SLIT2: variants seen among roughly 807,000 people sequenced by gnomAD.
SLIT2 encodes the protein slit homolog 2 protein.
In SLIT2, 41 loss-of-function variants were observed where a neutral mutation model predicts 185.7. The ratio of observed to expected loss-of-function variants is 0.22; its 90% CI spans 0.17 to 0.29. The LOEUF (loss-of-function observed/expected upper bound fraction) is 0.29, where lower values mean the gene tolerates loss of function less well. SLIT2 is among the 10% of genes least tolerant of loss of function. The probability of loss-of-function intolerance (pLI) is 1.00; values close to 1 mark genes in which losing one functional copy is unlikely to be tolerated. For missense variants in SLIT2, 1,571 were observed against 1,909.0 expected, an observed-to-expected ratio of 0.82 and a Z score of 3.30; for synonymous variants, 693 against 680.2, an observed-to-expected ratio of 1.02 and a Z score of -0.29.
chr4:20,345,537 C>CTTTTTTTTTTTTT (rs149402460), intron 4 of SLIT2, among the ~76,000 whole-genome samples: 2 of 112,318 alleles, frequency 1.8e-5, no homozygotes, highest in Admixed American at 9.0e-5. Flanking sequence ...TTCCTTTTTT[C>CTTTTTTTTTTTTT]TTTTTTCTTT....
chr4:20,254,074 A>G lies in SLIT2; in HGVS notation c.179+80A>G. The G allele has an allele frequency of 7.0e-7, 1 of 1,438,728 alleles. No homozygotes were observed. The highest frequency in any genetic ancestry group is 1.8e-4 in the Middle Eastern group (1 of 5,538). The allele number at this position is 1,438,728 out of a possible 1,614,324, so 89.1% of individuals were successfully genotyped here. ...CTCCACTGGAGGAACCTGTCAGCTC[A>G]GGGTCCTGTGCCTGGGGCAGCCCTC... On this transcript the variant is annotated intron_variant, in intron 1 of 36. Coordinates refer to ENST00000504154, the MANE Select transcript of SLIT2 (RefSeq NM_004787.4). The surrounding 1 kb of genome is among the most constrained non-coding windows in gnomAD (Gnocchi z 5.1).
At chr4:20,569,130 GA>G in intron 29 of SLIT2, 126 bp downstream of exon 29, 1 of 800,770 alleles carries the variant, frequency 1.2e-6, no homozygotes, top group Non-Finnish European at 2.1e-6. Flanking sequence ...TTGAAAATCA[GA>G]TGTAATGTAA....
chr4:20,519,182 C>G (rs1720595288), intron 11 of SLIT2, among the ~76,000 whole-genome samples, 200 bp from the exon 12 acceptor site: 1 of 152,008 alleles, frequency 6.6e-6, no homozygotes, highest in South Asian at 2.1e-4. Flanking sequence ...TTTCTGTTTT[C>G]CAAATGTTCT....
At chr4:20,593,909 A>C (rs1727712911) in intron 30 of SLIT2, among the ~76,000 whole-genome samples, 1 of 150,964 alleles carries the variant, frequency 6.6e-6, no homozygotes, top group Non-Finnish European at 1.5e-5. Context: ...TCATATATAC[A>C]CACATATATA....
At chr4:20,291,207 G>A (rs1480633289) in intron 4 of SLIT2, among the ~76,000 whole-genome samples, 1 of 151,996 alleles carries the variant, frequency 6.6e-6, no homozygotes, top group Non-Finnish European at 1.5e-5. Flanking sequence ...CTTGTGTGAT[G>A]TTCCTCAGAT....
chr4:20,411,024 T>C (rs1260070017), intron 4 of SLIT2, among the ~76,000 whole-genome samples: 1 of 152,230 alleles, frequency 6.6e-6, no homozygotes, highest in African/African-American at 2.4e-5. Context: ...ATTTTCATGA[T>C]ATTGATTCTT....
intron 12 of SLIT2, among the ~76,000 whole-genome samples, chr4:20,520,733 G>C (rs1162300145): frequency 6.6e-6 from 1 of 152,016 alleles, no homozygotes; most frequent in Non-Finnish European, 1.5e-5. Flanking sequence ...AAATGTTAAT[G>C]AAACAATAAT....
At position 20,512,703 on chromosome 4, in the gene SLIT2, A is replaced by C. The variant is rs370821110; in HGVS notation, c.1058+1566A>C. Among the ~76,000 whole-genome samples the C allele has an allele frequency of 3.1e-4, 47 of 152,326 alleles. No homozygotes were observed. The East Asian group carries it at 7.7e-3, about 25-fold the overall frequency. ...CATTGACAAACTCCCTGTCATACAG[A>C]AGGACAAAAGGCAAATCAGCATGTC... On this transcript the variant is annotated intron_variant, in intron 11 of 36. Coordinates refer to ENST00000504154, the MANE Select transcript of SLIT2 (RefSeq NM_004787.4).
chr4:20,377,501 T>C (rs1724123570), intron 4 of SLIT2, among the ~76,000 whole-genome samples: 1 of 152,164 alleles, frequency 6.6e-6, no homozygotes, highest in Non-Finnish European at 1.5e-5. Context: ...TAGGGATCCA[T>C]AGAAGACAAA....
At chr4:20,591,716 A>G (rs1050981661) in intron 30 of SLIT2, among the ~76,000 whole-genome samples, 5 of 151,884 alleles carry the variant, frequency 3.3e-5, no homozygotes, top group Non-Finnish European at 5.9e-5. Context: ...CATCACTTAC[A>G]TAATAAATAT....
intron 4 of SLIT2, among the ~76,000 whole-genome samples, chr4:20,339,746 A>C (rs556790778): frequency 6.6e-6 from 1 of 152,060 alleles, no homozygotes; most frequent in South Asian, 2.1e-4. Context: ...TGGCCTGTAG[A>C]CTCTCCTATG....
chr4:20,600,628 G>C (rs1728338476), intron 33 of SLIT2, among the ~76,000 whole-genome samples: 1 of 151,716 alleles, frequency 6.6e-6, no homozygotes, highest in Admixed American at 6.6e-5. Context: ...GTTTCACCGT[G>C]TTAGCCAGGA....
intron 11 of SLIT2, among the ~76,000 whole-genome samples, chr4:20,514,252 A>T (rs1267729607): frequency 1.3e-5 from 2 of 152,242 alleles, no homozygotes; most frequent in African/African-American, 4.8e-5. Context: ...ACTCAAGAAT[A>T]TAGCCAGATT....
chr4:20,547,684 T>C (rs529207077), intron 22 of SLIT2, among the ~76,000 whole-genome samples: 1 of 150,514 alleles, frequency 6.6e-6, no homozygotes, highest in South Asian at 2.1e-4. Context: ...ATGGTGAATA[T>C]ATATTAGTAT....
chr4:20,268,462 C>A (rs1425063131), intron 3 of SLIT2, among the ~76,000 whole-genome samples: 1 of 151,728 alleles, frequency 6.6e-6, no homozygotes, highest in Non-Finnish European at 1.5e-5. Flanking sequence ...AGACACCATT[C>A]ACTGTGGTAT....
chr4:20,336,235 C>G, intron 4 of SLIT2, among the ~76,000 whole-genome samples: 1 of 152,132 alleles, frequency 6.6e-6, no homozygotes, highest in Non-Finnish European at 1.5e-5. Flanking sequence ...ATTAGTTTTT[C>G]CTTTAATATG....
intron 4 of SLIT2, among the ~76,000 whole-genome samples, chr4:20,307,552 G>A (rs1269434496): frequency 1.3e-5 from 2 of 152,068 alleles, no homozygotes; most frequent in East Asian, 3.9e-4. Context: ...GAGCCACTGG[G>A]TTCAGCCAGT....
At chr4:20,375,577 G>C (rs942574216) in intron 4 of SLIT2, among the ~76,000 whole-genome samples, 1 of 152,050 alleles carries the variant, frequency 6.6e-6, no homozygotes, top group African/African-American at 2.4e-5. Flanking sequence ...TTAACTAACA[G>C]TTTGATTTAT....
intron 4 of SLIT2, among the ~76,000 whole-genome samples, chr4:20,344,825 A>T (rs935820824): frequency 1.3e-5 from 2 of 152,178 alleles, no homozygotes; most frequent in African/African-American, 2.4e-5. Flanking sequence ...TCATTTTCTC[A>T]TGAGAGTTTC....
Sources: gnomAD v4.1 joint callset for allele counts (sites outside exome capture counted in the v4.1 genomes callset) on GRCh38, gnomAD v4.1.1 for gene constraint, Gnocchi (gnomAD v3.1) non-coding constraint, MANE v1.5 for transcripts, NCBI Gene and HGNC (gene_info 2026-07-23, HGNC 2026-07-21) for gene names.